The following ZC3H12B variants were observed in gnomAD, a reference collection of about 807,000 sequenced individuals.
The protein encoded by ZC3H12B is zinc finger CCCH-type containing 12B, also known as probable ribonuclease ZC3H12B.
In ZC3H12B, 7 loss-of-function variants were observed where a neutral mutation model predicts 43.9. That is an observed-to-expected ratio of 0.16 (90% CI 0.09 to 0.30). The LOEUF is 0.30. ZC3H12B is among the 10% of genes least tolerant of loss of function. The pLI, the probability that ZC3H12B is intolerant of heterozygous loss-of-function variation, is 1.00. For missense variants in ZC3H12B, 475 were observed against 670.2 expected, an observed-to-expected ratio of 0.71 and a Z score of 3.22; for synonymous variants, 222 against 241.7, an observed-to-expected ratio of 0.92 and a Z score of 0.76.
chrX:65,121,442 G>A, the ZC3H12B span, among the ~76,000 whole-genome samples: 3 of 111,795 alleles, frequency 2.7e-5, no homozygotes, highest in African/African-American at 6.5e-5. Context: ...TTGCCTAGAG[G>A]TGTTTATAGT....
chrX:65,202,692 C>A, the ZC3H12B span, among the ~76,000 whole-genome samples: 1 of 111,287 alleles, frequency 9.0e-6, no homozygotes, highest in Non-Finnish European at 1.9e-5. Context: ...CTGGTTCAGA[C>A]CTGAAGCCAG....
chrX:65,241,580 G>T, the ZC3H12B span, among the ~76,000 whole-genome samples: 1 of 112,761 alleles, frequency 8.9e-6, no homozygotes, highest in Non-Finnish European at 1.9e-5. Flanking sequence ...ACGTTAAAAA[G>T]TAGTCTGGCC....
At chrX:65,214,021 T>C in the ZC3H12B span, among the ~76,000 whole-genome samples, 1 of 111,196 alleles carries the variant, frequency 9.0e-6, no homozygotes. Flanking sequence ...GGTGTTCTCT[T>C]AGTGTGAAAT....
the ZC3H12B span, among the ~76,000 whole-genome samples, chrX:65,269,322 C>T: frequency 2.3e-4 from 24 of 105,134 alleles, no homozygotes; most frequent in African/African-American, 5.6e-4. Context: ...TCCAGCCTGG[C>T]GACAGAGCAA....
the ZC3H12B span, among the ~76,000 whole-genome samples, chrX:65,144,667 T>C: frequency 8.9e-6 from 1 of 111,756 alleles, no homozygotes; most frequent in Non-Finnish European, 1.9e-5. Context: ...TGATAGGTTG[T>C]GTCACTATGG....
the ZC3H12B span, among the ~76,000 whole-genome samples, chrX:65,350,755 C>T: frequency 9.0e-6 from 1 of 111,633 alleles, no homozygotes; most frequent in African/African-American, 3.3e-5. Flanking sequence ...AGGAATACAA[C>T]TTACAAGGGA....
At chrX:65,446,737 G>C (rs2067382489) in intron 3 of ZC3H12B, among the ~76,000 whole-genome samples, 1 of 111,845 alleles carries the variant, frequency 8.9e-6, no homozygotes, top group Non-Finnish European at 1.9e-5. Context: ...ATGCAGAAGG[G>C]GTGGTGTCGC....
chrX:65,228,540 T>C, the ZC3H12B span, among the ~76,000 whole-genome samples: 21 of 110,530 alleles, frequency 1.9e-4, no homozygotes, highest in East Asian at 5.7e-4. Context: ...CCAGGGCAAT[T>C]AGGCAGGAGA....
chrX:65,085,557 G>C, the ZC3H12B span, among the ~76,000 whole-genome samples: 7 of 110,573 alleles, frequency 6.3e-5, no homozygotes, highest in Admixed American at 2.9e-4. Flanking sequence ...AGGATTACTT[G>C]AGGCCAGGGG....
the ZC3H12B span, among the ~76,000 whole-genome samples, chrX:65,158,040 G>C: frequency 9.5e-6 from 1 of 104,770 alleles, no homozygotes; most frequent in Non-Finnish European, 2.0e-5. Flanking sequence ...TTTTGCCCTT[G>C]CGAAAGTTTA....
chrX:65,458,085 T>TAAAAAAAAAAAAAAAAAAAAAAA (rs59738258), intron 3 of ZC3H12B, among the ~76,000 whole-genome samples: 3 of 49,081 alleles, frequency 6.1e-5, no homozygotes, highest in African/African-American at 8.8e-5. Flanking sequence ...AAAAAAAAAT[T>TAAAAAAAAAAAAAAAAAAAAAAA]AAAAAAAAAA....
At chrX:65,234,850 C>A in the ZC3H12B span, among the ~76,000 whole-genome samples, 4 of 111,529 alleles carry the variant, frequency 3.6e-5, no homozygotes, top group African/African-American at 9.8e-5. Context: ...TTTCTCCCCC[C>A]ACCACTTCTC....
chrX:65,288,321 C>T, the ZC3H12B span, among the ~76,000 whole-genome samples: 2 of 110,554 alleles, frequency 1.8e-5, no homozygotes, highest in Non-Finnish European at 3.8e-5. Flanking sequence ...CAGCAATTAC[C>T]CTGAGGCAAA....
At chrX:65,328,467 C>A in the ZC3H12B span, 3 of 252,846 alleles carry the variant, frequency 1.2e-5, no homozygotes, top group East Asian at 3.1e-4. Context: ...AGTTTTAGCT[C>A]TTCAGGAATC....
chrX:65,270,858 GCCAAGTTTGTCAGGC>G, the ZC3H12B span: 4 of 111,325 alleles, frequency 3.6e-5, no homozygotes, highest in African/African-American at 1.3e-4. Flanking sequence ...TGAAGACCCA[GCCAAGTTTGTCAGGC>G]CTCAGACCAT....
the ZC3H12B span, among the ~76,000 whole-genome samples, chrX:65,154,761 T>A: frequency 9.0e-6 from 1 of 111,288 alleles, no homozygotes; most frequent in South Asian, 3.8e-4. Flanking sequence ...CAGAAGATCA[T>A]TTCAGCCTAG....
the ZC3H12B span, among the ~76,000 whole-genome samples, chrX:65,358,845 C>T: frequency 1.8e-5 from 2 of 111,539 alleles, no homozygotes; most frequent in Non-Finnish European, 3.8e-5. Context: ...TCAATGTAGA[C>T]GAAACAGCCC....
chrX:65,163,370 G>T, the ZC3H12B span, among the ~76,000 whole-genome samples: 1 of 111,713 alleles, frequency 9.0e-6, no homozygotes, highest in Non-Finnish European at 1.9e-5. Flanking sequence ...CCTGCCCCCA[G>T]AAGTGGAGCC....
intron 3 of ZC3H12B, chrX:65,468,969 C>T (rs908903843): frequency 9.1e-6 from 1 of 109,876 alleles, no homozygotes; most frequent in African/African-American, 3.3e-5. Context: ...CCCCCAATAC[C>T]CCCTAAGCCA....
Sources: gnomAD v4.1 joint callset for allele counts (sites outside exome capture counted in the v4.1 genomes callset) on GRCh38, gnomAD v4.1.1 for gene constraint, MANE v1.5 for transcripts, NCBI Gene and HGNC (gene_info 2026-07-23, HGNC 2026-07-21) for gene names.